COPB1: variants seen among roughly 807,000 people sequenced by gnomAD.
COPB1 encodes coat protein complex I subunit beta 1.
In COPB1, 21 loss-of-function variants were observed where a neutral mutation model predicts 108.7. The observed-to-expected ratio is 0.19, with a 90% CI of 0.14 to 0.28. COPB1 has a LOEUF of 0.28. Ranked by LOEUF, COPB1 falls within the 10% of genes least tolerant of loss-of-function variation. The pLI, the probability that COPB1 is intolerant of heterozygous loss-of-function variation, is 1.00. For synonymous variants in COPB1, 378 were observed against 386.8 expected, an observed-to-expected ratio of 0.98 and a Z score of 0.27; for missense variants, 919 against 1,141.3, an observed-to-expected ratio of 0.81 and a Z score of 2.81.
rs1850281716 is a variant in COPB1, at chr11:14,466,394, T to C, written c.2178A>G (p.Val726=). 1.9e-6 allele frequency: 3 copies of C among 1,612,724 alleles called. No individual in the cohort carries two copies. Among genetic ancestry groups the C allele is most frequent in the Non-Finnish European group, 2.5e-6 (3 of 1,179,582 alleles). Residue 726 remains valine (V), a synonymous_variant, in exon 17 of 22, where the codon GTA becomes GTG. Transcript: ENST00000439561. The part of the protein sequence containing the change: ...VTQLTGFSDP[V]YAEAYVHVNQ... ...TGACATGAACGTAAGCTTCTGCATA[T>C]ACAGGATCTGAGAAACCTGTCAATT...
rs569193852 is a variant in COPB1, at chr11:14,474,995, T to C, written c.1617-380A>G. On this transcript the variant is annotated intron_variant, in intron 13 of 21. Coordinates refer to ENST00000439561, the MANE Select transcript of COPB1 (RefSeq NM_001144061.2). ...CCTGTAATCCCAGCTACTCAGGAGA[T>C]TGAGGCAGGAGAACTGCTTGAGCCC... 2.9e-4 allele frequency among the ~76,000 whole-genome samples: 43 copies of C among 148,664 alleles called. No homozygotes were observed. In the South Asian group the frequency reaches 7.6e-3, roughly 26 times the overall value.
chr11:14,461,573 G>T (rs181227190), intron 18 of COPB1, among the ~76,000 whole-genome samples: 1 of 152,246 alleles, frequency 6.6e-6, no homozygotes, highest in East Asian at 1.9e-4. Flanking sequence ...GAGAAGTTAA[G>T]TAAGTTGTTC....
rs1455328754 is a variant in COPB1, at chr11:14,479,590, A to C, written c.1337T>G (p.Phe446Cys). ...MLIVEKMLEVFHAIKSVKIYR... is the reference protein window; with the variant it reads ...MLIVEKMLEVCHAIKSVKIYR... ...CTACTTGACAGATTTAATAGCATGA[A>C]AGACTTCAAGCATCTTCTCAACAAT... Residue 446 changes from phenylalanine (F) to cysteine (C), a missense_variant, in exon 11 of 22, where the codon TTT becomes TGT. By Grantham distance (205) the Phe-to-Cys change is radical. This residue lies in a region of COPB1 where 705 missense variants were observed against 817.8 expected (regional missense o/e 0.86). Coordinates refer to ENST00000439561, the MANE Select transcript of COPB1 (RefSeq NM_001144061.2). 18 of 1,609,676 alleles carry C rather than the reference A, an allele frequency of 1.1e-5. No individual in the cohort carries two copies. The highest frequency in any genetic ancestry group is 1.5e-5 in the Non-Finnish European group (18 of 1,178,612).
rs1469886274 is a variant in COPB1, at chr11:14,486,495, C to T, written c.709G>A (p.Ala237Thr). Reference sequence around the variant, plus strand: ...AAACGAGCTCTTTCTGATGGATTAGCATGACAGACCTGGAGAAGAAAACAT... The same window carrying T: ...AAACGAGCTCTTTCTGATGGATTAGTATGACAGACCTGGAGAAGAAAACAT... ...IVELIYKVCH[A>T]NPSERARFIR... Residue 237 changes from alanine (A) to threonine (T), a missense_variant, in exon 7 of 22, where the codon GCT (alanine) becomes ACT (threonine). Coordinates refer to ENST00000439561, the MANE Select transcript of COPB1 (RefSeq NM_001144061.2). The T allele has an allele frequency of 1.9e-6, 3 of 1,613,582 alleles. No homozygotes were observed. Among genetic ancestry groups the T allele is most frequent in the African/African-American group, 2.7e-5 (2 of 74,936 alleles).
intron 18 of COPB1, among the ~76,000 whole-genome samples, chr11:14,462,124 C>A (rs1422850266): frequency 6.6e-6 from 1 of 151,750 alleles, no homozygotes; most frequent in Non-Finnish European, 1.5e-5. Flanking sequence ...GATGTGGAAC[C>A]CACGGATACA....
At chr11:14,465,883 A>C (rs1850270933) in intron 17 of COPB1, among the ~76,000 whole-genome samples, 1 of 152,212 alleles carries the variant, frequency 6.6e-6, no homozygotes, top group African/African-American at 2.4e-5. Flanking sequence ...TGCTAAATGT[A>C]ATATGATTTA....
At chr11:14,487,703 CAAAA>C (rs201074422) in intron 6 of COPB1, among the ~76,000 whole-genome samples, 1 of 148,700 alleles carries the variant, frequency 6.7e-6, no homozygotes, top group Non-Finnish European at 1.5e-5. Context: ...AAAAAAAAAA[CAAAA>C]AAAAACTGTA....
At chr11:14,466,233 A>G (rs751057938) in intron 17 of COPB1, 49 bp downstream of exon 17, 65 of 1,577,078 alleles carry the variant, frequency 4.1e-5, no homozygotes, top group Non-Finnish European at 5.5e-5. Context: ...AATCTGTCAT[A>G]AAGATCTACT....
At chr11:14,491,174 ATCT>A (rs1159794390) in intron 4 of COPB1, among the ~76,000 whole-genome samples, 1 of 151,906 alleles carries the variant, frequency 6.6e-6, no homozygotes. Context: ...CCTCCTGAGT[ATCT>A]GGGACTACAG....
chr11:14,473,573 A>G (rs1850454704), intron 14 of COPB1, among the ~76,000 whole-genome samples: 1 of 118,334 alleles, frequency 8.5e-6, no homozygotes, highest in South Asian at 3.0e-4. Flanking sequence ...GAGACGGGGT[A>G]ACAGCCGGAA....
chr11:14,486,743 T>C (rs750314811), intron 6 of COPB1, among the ~76,000 whole-genome samples: 5 of 152,168 alleles, frequency 3.3e-5, no homozygotes, highest in Non-Finnish European at 7.3e-5. Context: ...ATGGCTTTAC[T>C]AGATAGGATG....
At chr11:14,484,690 C>T (rs994075388) in intron 7 of COPB1, among the ~76,000 whole-genome samples, 13 of 152,300 alleles carry the variant, frequency 8.5e-5, no homozygotes, top group African/African-American at 3.1e-4. Flanking sequence ...TATCTTCCAA[C>T]CTGAGCGACG....
chr11:14,490,786 C>A, intron 4 of COPB1, 107 bp from the exon 5 acceptor site: 2 of 614,868 alleles, frequency 3.3e-6, no homozygotes, highest in Non-Finnish European at 5.4e-6. Context: ...TTACAACATA[C>A]TTTTGCTTTT....
intron 7 of COPB1, 31 bp downstream of exon 7, chr11:14,486,336 C>A: frequency 6.2e-7 from 1 of 1,612,268 alleles, no homozygotes; most frequent in Non-Finnish European, 8.5e-7. Context: ...AATCTATCAT[C>A]TAATCTGGCC....
chr11:14,472,535 T>C (rs1265480512), intron 14 of COPB1, among the ~76,000 whole-genome samples: 1 of 152,076 alleles, frequency 6.6e-6, no homozygotes, highest in Non-Finnish European at 1.5e-5. Context: ...ACCAAAAGAG[T>C]CAGCCTATCC....
At chr11:14,481,974 G>T (rs990740387) in intron 8 of COPB1, among the ~76,000 whole-genome samples, 2 of 151,972 alleles carry the variant, frequency 1.3e-5, no homozygotes, top group African/African-American at 4.8e-5. Context: ...TTTTAATGGA[G>T]ACAGGGAGGG....
chr11:14,483,110 G>A lies in COPB1; in HGVS notation c.879C>T (p.Ser293=), dbSNP rs753223130. Residue 293 remains serine (S), a synonymous_variant, in exon 8 of 22, where the codon AGC becomes AGT. Coordinates refer to ENST00000439561, the MANE Select transcript of COPB1 (RefSeq NM_001144061.2). ...AAACTATGAGTTTTACATTGTTGTC[G>A]CTCTCCTTAATAATTAAATCAATGT... ...QCYIDLIIKE[S]DNNVKLIVLD... 54 of 1,588,300 alleles carry A rather than the reference G, an allele frequency of 3.4e-5. No homozygotes were observed. The highest frequency in any genetic ancestry group is 2.2e-4 in the Admixed American group (13 of 59,586).
In COPB1 at chr11:14,466,396, C is replaced by T. The variant is rs376194875; in HGVS notation, c.2176G>A (p.Val726Ile). 6.2e-7 allele frequency: 1 copy of T among 1,612,620 alleles called. No individual in the cohort carries two copies. The highest frequency in any genetic ancestry group is 8.5e-7 in the Non-Finnish European group (1 of 1,179,488). ...ACATGAACGTAAGCTTCTGCATATA[C>T]AGGATCTGAGAAACCTGTCAATTGG... is the stretch of plus-strand genomic sequence containing the variant. ...VTQLTGFSDP[V>I]YAEAYVHVNQ... The change falls in exon 17 of 22, where the codon GTA becomes ATA. Residue 726 changes from valine to isoleucine, a missense_variant. Around this residue, in one of 5 missense-constraint regions of COPB1, gnomAD observed 705 missense variants for 817.8 expected, o/e 0.86. Coordinates refer to ENST00000439561, the MANE Select transcript of COPB1 (RefSeq NM_001144061.2).
rs1444912624 is a variant in COPB1 at position 14,469,519 on chromosome 11, A to C, written c.1782T>G (p.His594Gln). 2.5e-6 allele frequency: 4 copies of C among 1,614,082 alleles called. No individual in the cohort carries two copies. The highest frequency in any genetic ancestry group is 3.4e-6 in the Non-Finnish European group (4 of 1,180,038). The change falls in exon 15 of 22, where the codon CAT becomes CAG. Residue 594 changes from histidine to glutamine, a missense_variant. By Grantham distance (24) the His-to-Gln change is conservative. Coordinates refer to ENST00000439561, the MANE Select transcript of COPB1 (RefSeq NM_001144061.2). ...TCTTAGGAAGAGAGGATTTTCCCAA[A>C]TGCAGGATAGTAGCCATGAGCAACA... The part of the protein sequence containing the change: ...EAMLLMATIL[H>Q]LGKSSLPKKP...
Sources: allele counts gnomAD v4.1 joint callset (sites outside exome capture counted in the v4.1 genomes callset), GRCh38; gene constraint gnomAD v4.1.1; regional missense constraint gnomAD v4.1.1; transcripts MANE v1.5; gene names NCBI Gene and HGNC (gene_info 2026-07-23, HGNC 2026-07-21).